The following TENM2 variants were observed in gnomAD, a reference collection of about 807,000 sequenced individuals.
TENM2 encodes teneurin transmembrane protein 2.
A neutral mutation model predicts 245.2 loss-of-function variants in TENM2; 52 were observed. That is an observed-to-expected ratio of 0.21 (90% CI 0.17 to 0.27). TENM2 has a LOEUF of 0.27. Among genes scored for constraint, TENM2 ranks in the 10% least tolerant of loss-of-function variants. TENM2 has a pLI of 1.00. For synonymous variants in TENM2, 1,363 were observed against 1,438.9 expected, an observed-to-expected ratio of 0.95 and a Z score of 1.19; for missense variants, 3,046 against 3,666.8, an observed-to-expected ratio of 0.83 and a Z score of 4.37.
the TENM2 span, among the ~76,000 whole-genome samples, chr5:167,204,441 A>G: frequency 0.013 from 2,053 of 152,292 alleles, 46 homozygotes; most frequent in African/African-American, 0.047. Flanking sequence ...GGCTCTCCAG[A>G]TAAAAATGCA....
chr5:167,837,391 T>C lies in TENM2; in HGVS notation c.503-38595T>C, dbSNP rs558631891. ...ACTGCTGAATCACCCTCCAAAAAGG[T>C]TGTAGATCAAAATACGCTCTCTCAT... On this transcript the variant is annotated intron_variant, in intron 2 of 28. Coordinates refer to ENST00000518659, the Ensembl canonical transcript of TENM2. 9.0e-4 allele frequency among the ~76,000 whole-genome samples: 137 copies of C among 152,168 alleles called. 1 individual carries two copies. The highest frequency in any genetic ancestry group is 3.2e-3 in the African/African-American group (133 of 41,516).
chr5:167,595,610 TAGAG>T (rs796578057), intron 2 of TENM2, among the ~76,000 whole-genome samples: 4 of 152,224 alleles, frequency 2.6e-5, no homozygotes, highest in East Asian at 1.9e-4. Flanking sequence ...GGAGAATAAA[TAGAG>T]AGCCATTTGG....
chr5:168,076,173 TTTTTATTTTATTTTATTTTA>T (rs202117061), intron 7 of TENM2, among the ~76,000 whole-genome samples: 15,770 of 132,358 alleles, frequency 0.12, 1,088 homozygotes, highest in East Asian at 0.21. Context: ...GTTTGCTTTA[TTTTTATTTTATTTTATTTTA>T]TTTTATTTTA....
the TENM2 span, among the ~76,000 whole-genome samples, chr5:167,187,938 A>C: frequency 6.6e-6 from 1 of 152,154 alleles, no homozygotes. Flanking sequence ...TCCCCCTGGC[A>C]GAGGCTGTTG....
chr5:168,126,993 T>G (rs2152360818), intron 12 of TENM2, 27 bp downstream of exon 14: 1 of 1,562,578 alleles, frequency 6.4e-7, no homozygotes, highest in Non-Finnish European at 8.7e-7. Flanking sequence ...TTTCATAAAT[T>G]GTAGATCTAT....
At chr5:167,876,091 G>A in exon 3 of TENM2, 17 of 1,551,394 alleles carry the variant, frequency 1.1e-5, no homozygotes, top group Non-Finnish European at 1.5e-5. Flanking sequence ...TTGCTAGACA[G>A]CAACACCTCC....
intron 1 of TENM2, among the ~76,000 whole-genome samples, chr5:167,330,130 A>G (rs1223395285): frequency 6.6e-6 from 1 of 152,142 alleles, no homozygotes; most frequent in African/African-American, 2.4e-5. Flanking sequence ...GTTTCCTTAT[A>G]GTATAAAAGA....
chr5:168,050,477 C>T (rs1249452271), intron 6 of TENM2, among the ~76,000 whole-genome samples: 8 of 151,972 alleles, frequency 5.3e-5, no homozygotes, highest in African/African-American at 1.4e-4. Flanking sequence ...TAAATAACAC[C>T]GCCTCCTTTT....
chr5:167,302,602 G>A (rs965025937), intron 1 of TENM2, among the ~76,000 whole-genome samples: 2 of 151,712 alleles, frequency 1.3e-5, no homozygotes, highest in African/African-American at 2.4e-5. Context: ...AAGAGGTCAG[G>A]GCGTGGAAAA....
intron 2 of TENM2, among the ~76,000 whole-genome samples, chr5:167,622,622 G>A (rs1778249145): frequency 6.6e-6 from 1 of 152,076 alleles, no homozygotes; most frequent in Non-Finnish European, 1.5e-5. Context: ...ACAAGGTTCA[G>A]GGGTGAGTAT....
At chr5:168,163,066 G>A (rs540138372) in intron 13 of TENM2, among the ~76,000 whole-genome samples, 163 of 152,296 alleles carry the variant, frequency 1.1e-3, no homozygotes, top group African/African-American at 2.7e-3. Flanking sequence ...TCAGGGCTGC[G>A]GATAACAGTC....
At chr5:167,824,870 C>T (rs111906962) in intron 2 of TENM2, among the ~76,000 whole-genome samples, 3,995 of 152,278 alleles carry the variant, frequency 0.026, 175 homozygotes, top group African/African-American at 0.089. Context: ...GCCAAACTAA[C>T]GCCATGTGCA....
intron 13 of TENM2, among the ~76,000 whole-genome samples, chr5:168,182,941 C>A (rs12522921): frequency 0.51 from 77,329 of 150,364 alleles, 21,999 homozygotes; most frequent in Admixed American, 0.67. Context: ...AGCGATTCTT[C>A]TGCCTCAGCC....
chr5:168,199,134 G>A lies in TENM2; in HGVS notation c.3162+20G>A. ...ACCCAGGTAGGAATGGCAGTGCCAG[G>A]GCGGGACTCTCAGGACTTCCCTAAC... On this transcript the variant is annotated intron_variant, in intron 16 of 28. Coordinates refer to ENST00000518659, the Ensembl canonical transcript of TENM2. 1 of 1,602,904 alleles carries A rather than the reference G, an allele frequency of 6.2e-7. No individual in the cohort carries two copies. The highest frequency in any genetic ancestry group is 8.5e-7 in the Non-Finnish European group (1 of 1,171,610).
At chr5:168,175,511 C>G (rs1004833267) in intron 13 of TENM2, among the ~76,000 whole-genome samples, 1 of 152,190 alleles carries the variant, frequency 6.6e-6, no homozygotes, top group African/African-American at 2.4e-5. Flanking sequence ...TTACAAAAAT[C>G]TTTGCATTCA....
chr5:167,920,515 TCA>T (rs58866696), intron 3 of TENM2, among the ~76,000 whole-genome samples: 22,184 of 129,282 alleles, frequency 0.17, 1,869 homozygotes, highest in African/African-American at 0.21. Context: ...CGAAACTCCA[TCA>T]CACACACACA....
chr5:167,701,198 A>G (rs969173014), intron 2 of TENM2, among the ~76,000 whole-genome samples: 1 of 152,012 alleles, frequency 6.6e-6, no homozygotes, highest in Non-Finnish European at 1.5e-5. Context: ...TAGCTATTAC[A>G]TTTTTTCCCA....
At chr5:167,068,402 A>G in the TENM2 span, among the ~76,000 whole-genome samples, 1 of 152,208 alleles carries the variant, frequency 6.6e-6, no homozygotes, top group Admixed American at 6.5e-5. Flanking sequence ...GCGTTATTGT[A>G]AATTTTTAAT....
intron 7 of TENM2, among the ~76,000 whole-genome samples, chr5:168,069,461 T>C (rs2152120112): frequency 6.6e-6 from 1 of 152,306 alleles, no homozygotes; most frequent in South Asian, 2.1e-4. Flanking sequence ...ATCCGAGCTC[T>C]TATAAAAATG....
Sources: gnomAD v4.1 joint callset for allele counts (sites outside exome capture counted in the v4.1 genomes callset) on GRCh38, gnomAD v4.1.1 for gene constraint, MANE v1.5 for transcripts, NCBI Gene and HGNC (gene_info 2026-07-23, HGNC 2026-07-21) for gene names.